Variants in FAM24B observed in about 807,000 individuals in gnomAD.
The protein encoded by FAM24B is protein FAM24B.
A neutral mutation model predicts 2.3 loss-of-function variants in FAM24B; 3 were observed. The observed-to-expected ratio is 1.29, with a 90% CI of 0.59 to 3.32. The LOEUF is 3.32. Among genes scored for constraint, FAM24B ranks in the 30% most tolerant of loss-of-function variants. FAM24B has a pLI of 0.03. For synonymous variants in FAM24B, 36 were observed against 46.3 expected (o/e 0.78, Z 0.90); for missense variants, 98 against 117.2 (o/e 0.84, Z 0.76).
At chr10:122,872,082 C>T (rs1294248994) in intron 1 of FAM24B, among the ~76,000 whole-genome samples, 2 of 151,924 alleles carry the variant, frequency 1.3e-5, no homozygotes. Context: ...GAACTCAAAA[C>T]AAATTTACAA....
intron 2 of FAM24B, among the ~76,000 whole-genome samples, chr10:122,851,056 T>C (rs530114941): frequency 6.6e-6 from 1 of 152,360 alleles, no homozygotes; most frequent in East Asian, 1.9e-4. Context: ...ATGATGCATG[T>C]TTTAGGAAAA....
intron 1 of FAM24B, among the ~76,000 whole-genome samples, chr10:122,870,645 TA>T (rs1028147535): frequency 1.3e-5 from 2 of 152,174 alleles, no homozygotes; most frequent in Non-Finnish European, 2.9e-5. Flanking sequence ...TGCAAATCAA[TA>T]AACGTAATCC....
chr10:122,873,435 GA>G (rs1236717794), intron 1 of FAM24B, among the ~76,000 whole-genome samples: 19 of 152,192 alleles, frequency 1.2e-4, no homozygotes, highest in Non-Finnish European at 5.9e-5. Flanking sequence ...CTCCTGCTCA[GA>G]AAAAAGTTCC....
At chr10:122,853,702 C>A (rs1020578973) in intron 2 of FAM24B, among the ~76,000 whole-genome samples, 1 of 152,058 alleles carries the variant, frequency 6.6e-6, no homozygotes, top group African/African-American at 2.4e-5. Context: ...TCAGCCTTGG[C>A]AATATGGTGA....
chr10:122,860,382 G>A (rs762842461), intron 1 of FAM24B, among the ~76,000 whole-genome samples: 3 of 152,202 alleles, frequency 2.0e-5, no homozygotes, highest in Non-Finnish European at 4.4e-5. Context: ...GTACTATTCT[G>A]TTGTTTGACT....
chr10:122,849,924 G>A (rs1847499507), intron 3 of FAM24B, among the ~76,000 whole-genome samples: 1 of 152,094 alleles, frequency 6.6e-6, no homozygotes, highest in Non-Finnish European at 1.5e-5. Flanking sequence ...CTGAGATCTA[G>A]AGCCCCAGTC....
chr10:122,866,281 T>C (rs137871426), intron 1 of FAM24B, among the ~76,000 whole-genome samples: 1 of 152,124 alleles, frequency 6.6e-6, no homozygotes, highest in Non-Finnish European at 1.5e-5. Context: ...ATTTGTGTCT[T>C]TTTTAGTCTG....
intron 1 of FAM24B, among the ~76,000 whole-genome samples, chr10:122,862,789 C>T (rs1391592577): frequency 6.6e-6 from 1 of 152,084 alleles, no homozygotes; most frequent in African/African-American, 2.4e-5. Flanking sequence ...GGACTATACA[C>T]AAAGACATCA....
rs376812453 is a variant in FAM24B at position 122,879,558 on chromosome 10, A to C, written c.-251T>G. On this transcript the variant is annotated 5_prime_UTR_variant, in exon 1 of 4. Coordinates refer to ENST00000368898, the MANE Select transcript of FAM24B (RefSeq NM_152644.3). ...CTGCGTCCACCGCCAGCGTCGAAAA[A>C]CCGCCGTGGTGCCCGCGCACAGTGC... 1.3e-5 allele frequency: 2 copies of C among 152,472 alleles called. No homozygotes were observed. Among genetic ancestry groups the C allele is most frequent in the South Asian group, 2.1e-4 (1 of 4,828 alleles). The allele number at this position is 152,472 out of a possible 1,614,324, so 9.4% of individuals were successfully genotyped here. A position where few individuals can be genotyped will look rare whatever the true frequency, so the allele number is the denominator to read the frequency against.
intron 1 of FAM24B, among the ~76,000 whole-genome samples, chr10:122,867,179 G>A (rs1485406206): frequency 6.6e-6 from 1 of 152,196 alleles, no homozygotes; most frequent in Non-Finnish European, 1.5e-5. Flanking sequence ...CTTCAATTCT[G>A]TGAAAGCTAA....
rs531220778 is a variant in FAM24B at position 122,870,100 on chromosome 10, G to A, written c.-178+9385C>T. 1.3e-4 allele frequency among the ~76,000 whole-genome samples: 20 copies of A among 152,062 alleles called. No homozygotes were observed. The East Asian group carries it at 3.9e-3, about 29-fold the overall frequency. On this transcript the variant is annotated intron_variant, in intron 1 of 3. Coordinates refer to ENST00000368898, the MANE Select transcript of FAM24B (RefSeq NM_152644.3). ...TAGACCCAATAAAAAATGACAAACG[G>A]GATATCACCACTGATCCCACAGAAA...
chr10:122,856,787 A>T (rs1449839090), intron 1 of FAM24B, among the ~76,000 whole-genome samples: 1 of 152,144 alleles, frequency 6.6e-6, no homozygotes, highest in Non-Finnish European at 1.5e-5. Context: ...AGAGATGTAG[A>T]CAGTGATTAC....
intron 1 of FAM24B, among the ~76,000 whole-genome samples, chr10:122,871,426 G>GA (rs1397282023): frequency 6.6e-6 from 1 of 151,754 alleles, no homozygotes; most frequent in Admixed American, 6.6e-5. Context: ...CACAGAATTG[G>GA]AAAAAACTAC....
At chr10:122,872,290 G>A (rs1332671021) in intron 1 of FAM24B, among the ~76,000 whole-genome samples, 2 of 152,150 alleles carry the variant, frequency 1.3e-5, no homozygotes, top group African/African-American at 2.4e-5. Context: ...GAAACAACAG[G>A]TGCTGGAGAG....
At chr10:122,866,575 T>A (rs1847807308) in intron 1 of FAM24B, among the ~76,000 whole-genome samples, 2 of 152,112 alleles carry the variant, frequency 1.3e-5, no homozygotes, top group Non-Finnish European at 2.9e-5. Flanking sequence ...TGCTGTCACA[T>A]TTTGGTAATT....
chr10:122,869,165 C>A (rs969513362), intron 1 of FAM24B, among the ~76,000 whole-genome samples: 52 of 152,098 alleles, frequency 3.4e-4, no homozygotes, highest in African/African-American at 1.2e-3. Context: ...TTTAAACCAA[C>A]AAAGATCAAA....
At chr10:122,858,232 G>GA (rs1847669050) in intron 1 of FAM24B, among the ~76,000 whole-genome samples, 1 of 152,154 alleles carries the variant, frequency 6.6e-6, no homozygotes. Flanking sequence ...CATAAAAAAT[G>GA]ATGAATTCAT....
chr10:122,859,339 T>A, intron 1 of FAM24B, among the ~76,000 whole-genome samples: 1 of 152,220 alleles, frequency 6.6e-6, no homozygotes, highest in Non-Finnish European at 1.5e-5. Context: ...TGTATTCTGA[T>A]GGAAGCATGG....
chr10:122,855,598 C>T (rs919497875), intron 2 of FAM24B, 47 bp downstream of exon 2: 1 of 152,212 alleles, frequency 6.6e-6, no homozygotes, highest in Non-Finnish European at 1.5e-5. Context: ...AGGCATTCTT[C>T]TCATACTCAC....
Sources: gnomAD v4.1 joint callset for allele counts (sites outside exome capture counted in the v4.1 genomes callset) on GRCh38, gnomAD v4.1.1 for gene constraint, MANE v1.5 for transcripts, NCBI Gene and HGNC (gene_info 2026-07-23, HGNC 2026-07-21) for gene names.